The following HCRTR2 variants were observed in gnomAD, a reference collection of about 807,000 sequenced individuals.
The protein encoded by HCRTR2 is orexin receptor type 2.
In HCRTR2, 22 loss-of-function variants were observed where a neutral mutation model predicts 49.0. The ratio of observed to expected loss-of-function variants is 0.45; its 90% confidence interval spans 0.32 to 0.64. The LOEUF is 0.64. HCRTR2 is among the 30% of genes least tolerant of loss of function. The probability of loss-of-function intolerance (pLI) is 0.04; values close to 1 mark genes in which losing one functional copy is unlikely to be tolerated. For synonymous variants in HCRTR2, 236 were observed against 205.3 expected (o/e 1.15, Z -1.28); for missense variants, 491 against 559.4 (o/e 0.88, Z 1.23).
At chr6:55,117,200 C>G (rs531019602) in intron 1 of HCRTR2, among the ~76,000 whole-genome samples, 1 of 151,804 alleles carries the variant, frequency 6.6e-6, no homozygotes, top group Non-Finnish European at 1.5e-5. Context: ...GTGAGCAATA[C>G]TTGAGTACAA....
chr6:55,221,214 A>T (rs1765884053), intron 1 of HCRTR2, among the ~76,000 whole-genome samples: 1 of 152,190 alleles, frequency 6.6e-6, no homozygotes, highest in Non-Finnish European at 1.5e-5. Context: ...AGAACCATGG[A>T]TACTTAGAAA....
chr6:55,239,934 T>C (rs1766291154), intron 1 of HCRTR2, among the ~76,000 whole-genome samples: 1 of 147,402 alleles, frequency 6.8e-6, no homozygotes, highest in Middle Eastern at 3.4e-3. Flanking sequence ...CATACCACCA[T>C]GCCCAGCTAA....
intron 1 of HCRTR2, among the ~76,000 whole-genome samples, chr6:55,146,320 A>G (rs1173331938): frequency 7.2e-5 from 11 of 152,204 alleles, no homozygotes; most frequent in Admixed American, 7.2e-4. Context: ...AAAAGTAATA[A>G]TTCATTTGTA....
chr6:55,151,586 C>T (rs1251058788), intron 1 of HCRTR2, among the ~76,000 whole-genome samples: 1 of 152,064 alleles, frequency 6.6e-6, no homozygotes, highest in East Asian at 1.9e-4. Context: ...AAACCTTGAG[C>T]TTCTCAAAGT....
At position 55,277,521 on chromosome 6, in the gene HCRTR2, A is replaced by G; in HGVS notation, c.904A>G (p.Thr302Ala). ...EIKQIRARRK[T>A]ARMLMIVLLV... is the part of the protein sequence containing the mutation. ...AAAGCAGATCCGAGCCAGAAGGAAA[A>G]CAGCCCGGATGTTGATGATTGTGCT... The change falls in exon 5 of 7, where the codon ACA becomes GCA. Residue 302 changes from threonine to alanine, a missense_variant. Thr to Ala is a moderately conservative substitution (Grantham distance 58, BLOSUM62 0). Transcript: ENST00000370862. The G allele has an allele frequency of 6.2e-7, 1 of 1,614,110 alleles. No individual in the cohort carries two copies. The highest frequency in any genetic ancestry group is 8.5e-7 in the Non-Finnish European group (1 of 1,179,996).
Position 55,152,699 on chromosome 6 carries a change from C to T in HCRTR2, c.-377-21512C>T, listed in dbSNP as rs140914084. The stretch of plus-strand genomic sequence containing the variant: ...AGAGGGCAAGAGAGCTCTCTGAAGT[C>T]CCTTCGAAAAGTAAAATAATCCCAT... On this transcript the variant is annotated intron_variant, in intron 1 of 7. Transcript: ENST00000615358. Among the ~76,000 whole-genome samples the T allele has an allele frequency of 1.3e-3, 194 of 152,036 alleles. 3 individuals carry two copies. Among genetic ancestry groups the T allele is most frequent in the East Asian group, 0.012 (62 of 5,172 alleles).
intron 2 of HCRTR2, among the ~76,000 whole-genome samples, chr6:55,253,516 T>C (rs890881923): frequency 6.6e-6 from 1 of 152,148 alleles, no homozygotes; most frequent in African/African-American, 2.4e-5. Context: ...TCTACTGCCT[T>C]CAATTAAGGC....
At chr6:55,138,736 C>T (rs542087083) in intron 1 of HCRTR2, among the ~76,000 whole-genome samples, 19 of 152,284 alleles carry the variant, frequency 1.2e-4, no homozygotes, top group African/African-American at 2.4e-4. Flanking sequence ...AGTTACTCTC[C>T]GGCACACTTA....
Position 55,161,233 on chromosome 6 carries a change from A to G in HCRTR2, c.-377-12978A>G, listed in dbSNP as rs370569482. Among the ~76,000 whole-genome samples the G allele has an allele frequency of 4.6e-5, 7 of 152,306 alleles. No individual in the cohort carries two copies. The East Asian group carries it at 1.2e-3, about 25-fold the overall frequency. The stretch of plus-strand genomic sequence containing the variant: ...CTGAACAACCTGCTGCTGAATGACT[A>G]CTGGGTAAATAATGAAATTAAGGCA... On this transcript the variant is annotated intron_variant, in intron 1 of 7. Transcript: ENST00000615358.
intron 1 of HCRTR2, among the ~76,000 whole-genome samples, chr6:55,225,816 C>A (rs1050428598): frequency 6.6e-6 from 1 of 152,234 alleles, no homozygotes; most frequent in Admixed American, 6.5e-5. Flanking sequence ...TCCATCAACT[C>A]CTTTTAAGTA....
chr6:55,137,838 A>G (rs564943851), intron 1 of HCRTR2, among the ~76,000 whole-genome samples: 94 of 152,316 alleles, frequency 6.2e-4, no homozygotes, highest in African/African-American at 2.2e-3. Context: ...AACCAAAAAT[A>G]CCTTAGTTGT....
At chr6:55,264,852 T>A (rs2127323843) in intron 4 of HCRTR2, among the ~76,000 whole-genome samples, 1 of 152,252 alleles carries the variant, frequency 6.6e-6, no homozygotes, top group Middle Eastern at 3.4e-3. Flanking sequence ...ACACATTTTA[T>A]CCAACTGAAA....
At chr6:55,116,458 G>A (rs1764118222) in intron 1 of HCRTR2, among the ~76,000 whole-genome samples, 1 of 143,704 alleles carries the variant, frequency 7.0e-6, no homozygotes, top group South Asian at 2.2e-4. Context: ...GATAGAAAAA[G>A]AGAGAGTTGG....
At chr6:55,225,173 T>C (rs1765979449) in intron 1 of HCRTR2, among the ~76,000 whole-genome samples, 1 of 152,188 alleles carries the variant, frequency 6.6e-6, no homozygotes, top group Admixed American at 6.5e-5. Flanking sequence ...TGTAGATAAA[T>C]GAAAGAAAAT....
At chr6:55,159,549 G>A (rs1351864803) in intron 1 of HCRTR2, among the ~76,000 whole-genome samples, 1 of 152,156 alleles carries the variant, frequency 6.6e-6, no homozygotes, top group Non-Finnish European at 1.5e-5. Context: ...TGAGCTAAAG[G>A]AGCATGTTCT....
At chr6:55,169,998 CT>C (rs1764925713), upstream of HCRTR2, among the ~76,000 whole-genome samples, 1 of 151,692 alleles carries the variant, frequency 6.6e-6, no homozygotes, top group Admixed American at 6.6e-5. Flanking sequence ...AAAATATAAT[CT>C]GGGACAGCCC....
intron 2 of HCRTR2, among the ~76,000 whole-genome samples, chr6:55,253,172 T>A (rs1387078847): frequency 6.6e-6 from 1 of 151,202 alleles, no homozygotes; most frequent in Non-Finnish European, 1.5e-5. Context: ...AAGAATCTTA[T>A]CCTGTTGATT....
chr6:55,279,010 A>G (rs1435852894), intron 5 of HCRTR2, among the ~76,000 whole-genome samples: 2 of 151,640 alleles, frequency 1.3e-5, no homozygotes, highest in Admixed American at 1.3e-4. Flanking sequence ...TTTTTTGTCA[A>G]TAATATATGT....
chr6:55,250,249 TGA>T lies in HCRTR2; in HGVS notation c.402+1434_402+1435del, dbSNP rs566580059. On this transcript the variant is annotated intron_variant, in intron 2 of 6. Transcript: ENST00000370862. Reference sequence around the variant, plus strand: ...GAACAGTAGCACATTTTTTTGTGTGTGAGGAAAAACTACATGGGACAATAGAG... The same window carrying T: ...GAACAGTAGCACATTTTTTTGTGTGTGGAAAAACTACATGGGACAATAGAG... Among the ~76,000 whole-genome samples, 359 of 152,190 alleles carry T rather than the reference TGA, an allele frequency of 2.4e-3. 2 individuals are homozygous for T. The highest frequency in any genetic ancestry group is 8.4e-3 in the African/African-American group (347 of 41,556).
Sources: allele counts gnomAD v4.1 joint callset (sites outside exome capture counted in the v4.1 genomes callset), GRCh38; gene constraint gnomAD v4.1.1; transcripts MANE v1.5; gene names NCBI Gene and HGNC (gene_info 2026-07-23, HGNC 2026-07-21).